The following ATXN10 variants were observed in gnomAD, a reference collection of about 807,000 sequenced individuals.
ATXN10 encodes ataxin-10.
ATXN10 carries 28 observed loss-of-function variants against 52.9 expected under a neutral mutation model. The ratio of observed to expected loss-of-function variants is 0.53; its 90% CI spans 0.39 to 0.73. ATXN10 has a LOEUF of 0.73. Among genes scored for constraint, ATXN10 ranks in the 30% least tolerant of loss-of-function variants. ATXN10 has a pLI of 0.00. For synonymous variants in ATXN10, 226 were observed against 221.5 expected, an observed-to-expected ratio of 1.02 and a Z score of -0.18; for missense variants, 565 against 577.0, an observed-to-expected ratio of 0.98 and a Z score of 0.21.
At chr22:45,829,547 TAAAGTCAACACAC>T (rs1446068946) in intron 10 of ATXN10, among the ~76,000 whole-genome samples, 1 of 152,128 alleles carries the variant, frequency 6.6e-6, no homozygotes, top group Non-Finnish European at 1.5e-5. Context: ...TAGAACTATA[TAAAGTCAACACAC>T]AAAAATCAGT....
chr22:45,838,885 C>T (rs1181757533), intron 10 of ATXN10, among the ~76,000 whole-genome samples: 1 of 152,164 alleles, frequency 6.6e-6, no homozygotes, highest in Non-Finnish European at 1.5e-5. Flanking sequence ...CTAAAATGTT[C>T]TCACTGGAAA....
intron 10 of ATXN10, among the ~76,000 whole-genome samples, chr22:45,815,856 A>C (rs1186641251): frequency 6.6e-6 from 1 of 152,140 alleles, no homozygotes; most frequent in Non-Finnish European, 1.5e-5. Context: ...GTTTCTTTCC[A>C]TTGTAATTCC....
chr22:45,804,557 C>G (rs1601657241), intron 9 of ATXN10, among the ~76,000 whole-genome samples: 1 of 152,180 alleles, frequency 6.6e-6, no homozygotes, highest in East Asian at 1.9e-4. Context: ...AGTTCATGTT[C>G]AGATGACTGA....
intron 2 of ATXN10, among the ~76,000 whole-genome samples, chr22:45,691,556 T>G (rs1923376574): frequency 1.3e-5 from 2 of 152,248 alleles, no homozygotes; most frequent in South Asian, 4.1e-4. Flanking sequence ...ACTCTAAAGC[T>G]TAAGCTTAAC....
At chr22:45,813,455 C>CTTTTT (rs3884890) in intron 10 of ATXN10, among the ~76,000 whole-genome samples, 25 of 134,636 alleles carry the variant, frequency 1.9e-4, no homozygotes, top group African/African-American at 7.1e-4. Flanking sequence ...TTCTTCATTT[C>CTTTTT]TTTTTTTTTT....
intron 3 of ATXN10, among the ~76,000 whole-genome samples, chr22:45,699,877 C>T (rs1257161578): frequency 1.4e-5 from 2 of 144,038 alleles, no homozygotes; most frequent in East Asian, 2.1e-4. Flanking sequence ...GACAGAGTCT[C>T]ACTCTGTCTC....
chr22:45,698,248 C>G (rs1923698747), intron 3 of ATXN10, among the ~76,000 whole-genome samples: 2 of 152,156 alleles, frequency 1.3e-5, no homozygotes, highest in South Asian at 2.1e-4. Flanking sequence ...AATCATATGA[C>G]TTTTCACCGA....
chr22:45,834,362 T>C (rs1363899756), intron 10 of ATXN10, among the ~76,000 whole-genome samples: 1 of 152,162 alleles, frequency 6.6e-6, no homozygotes, highest in Non-Finnish European at 1.5e-5. Context: ...TGGGTTTCCA[T>C]TGACTCCCAT....
At chr22:45,737,188 G>A (rs1290815639) in intron 7 of ATXN10, among the ~76,000 whole-genome samples, 1 of 152,208 alleles carries the variant, frequency 6.6e-6, no homozygotes, top group African/African-American at 2.4e-5. Flanking sequence ...GATGTTTAAT[G>A]TGCCACTGCT....
Position 45,840,393 on chromosome 22 carries a change from G to A in ATXN10, c.1238-2598G>A, listed in dbSNP as rs765159923. ...GGTGCACCTAATCTAAGCAGGTGCC[G>A]AGGGGTAGCTAAGACAGGGAAGGCT... On this transcript the variant is annotated intron_variant, in intron 10 of 11. Coordinates refer to ENST00000252934, the MANE Select transcript of ATXN10 (RefSeq NM_013236.4). The surrounding 1 kb of genome is among the most constrained non-coding windows in gnomAD (Gnocchi z 5.8). Among the ~76,000 whole-genome samples, 1 of 152,094 alleles carries A rather than the reference G, an allele frequency of 6.6e-6. No individual in the cohort carries two copies. Among genetic ancestry groups the A allele is most frequent in the Non-Finnish European group, 1.5e-5 (1 of 68,012 alleles).
chr22:45,785,976 A>G (rs1927310507), intron 9 of ATXN10, among the ~76,000 whole-genome samples: 1 of 152,218 alleles, frequency 6.6e-6, no homozygotes, highest in South Asian at 2.1e-4. Context: ...GTGATTCAAC[A>G]TTCATTCACC....
At chr22:45,717,756 C>A (rs1255703556) in intron 5 of ATXN10, among the ~76,000 whole-genome samples, 1 of 152,158 alleles carries the variant, frequency 6.6e-6, no homozygotes, top group Non-Finnish European at 1.5e-5. Context: ...TGGTTATAAT[C>A]AGTATATTCC....
intron 1 of ATXN10, chr22:45,674,935 A>T (rs1234973400): frequency 6.6e-6 from 1 of 152,228 alleles, no homozygotes; most frequent in Non-Finnish European, 1.5e-5. Flanking sequence ...TGGGAAGAGC[A>T]GTGGCTTTGG....
intron 5 of ATXN10, among the ~76,000 whole-genome samples, chr22:45,704,349 T>A (rs1380094805): frequency 6.6e-6 from 1 of 151,938 alleles, no homozygotes; most frequent in Non-Finnish European, 1.5e-5. Flanking sequence ...AAGAATTACA[T>A]GAATCTGTAG....
chr22:45,721,714 C>A (rs1337047051), intron 6 of ATXN10, among the ~76,000 whole-genome samples: 1 of 152,142 alleles, frequency 6.6e-6, no homozygotes, highest in Non-Finnish European at 1.5e-5. Context: ...CACCATGTAG[C>A]CCTTGTCATT....
In ATXN10 at chr22:45,790,638, G is replaced by C. The variant is rs1601647763; in HGVS notation, c.1174-16321G>C. 6.6e-6 allele frequency among the ~76,000 whole-genome samples: 1 copy of C among 152,272 alleles called. No homozygotes were observed. The highest frequency in any genetic ancestry group is 2.4e-5 in the African/African-American group (1 of 41,552). ...TCTCCTCAGTAATTTCTTGGATCTT[G>C]CTGTCAGTAATTCCAGTGAGTCAAG... is the stretch of plus-strand genomic sequence containing the variant. On this transcript the variant is annotated intron_variant, in intron 9 of 11. Transcript: ENST00000252934. The surrounding 1 kb of genome is among the most constrained non-coding windows in gnomAD (Gnocchi z 4.7).
intron 1 of ATXN10, chr22:45,674,740 G>A (rs1046086582): frequency 2.0e-5 from 3 of 152,220 alleles, no homozygotes; most frequent in Non-Finnish European, 2.9e-5. Context: ...CAGACAAAAA[G>A]CAAAAACAGT....
intron 5 of ATXN10, among the ~76,000 whole-genome samples, chr22:45,710,249 C>T (rs759364820): frequency 4.6e-5 from 7 of 152,160 alleles, no homozygotes; most frequent in East Asian, 1.9e-4. Context: ...TCCTTAGTTC[C>T]ATCTGGTCTT....
At chr22:45,768,322 G>A (rs1380242534) in intron 9 of ATXN10, among the ~76,000 whole-genome samples, 2 of 151,902 alleles carry the variant, frequency 1.3e-5, no homozygotes, top group African/African-American at 2.4e-5. Context: ...CTGCAGCTAT[G>A]TCACAAGGAC....
Sources: allele counts gnomAD v4.1 joint callset (sites outside exome capture counted in the v4.1 genomes callset), GRCh38; gene constraint gnomAD v4.1.1; non-coding constraint Gnocchi (gnomAD v3.1); transcripts MANE v1.5; gene names NCBI Gene and HGNC (gene_info 2026-07-23, HGNC 2026-07-21).